Variants in MPDZ observed in about 807,000 individuals in gnomAD.
MPDZ encodes multiple PDZ domain protein.
MPDZ carries 234 observed loss-of-function variants against 239.1 expected under a neutral mutation model. The observed-to-expected ratio is 0.98, with a 90% CI of 0.88 to 1.09. The LOEUF is 1.09. Ranked by LOEUF, MPDZ falls within the 50% of genes least tolerant of loss-of-function variation. The pLI is 0.00. For missense variants in MPDZ, 3,175 were observed against 2,510.0 expected (o/e 1.26, Z -5.66); for synonymous variants, 1,048 against 881.3 (o/e 1.19, Z -3.35).
intron 1 of MPDZ, among the ~76,000 whole-genome samples, chr9:13,252,614 T>TA (rs1361786846): frequency 6.0e-5 from 9 of 149,994 alleles, no homozygotes; most frequent in African/African-American, 2.2e-4. Flanking sequence ...CTCATGCCTG[T>TA]AATCCCAGCA....
chr9:13,165,785 G>C (rs1171566733), intron 22 of MPDZ, among the ~76,000 whole-genome samples: 1 of 152,114 alleles, frequency 6.6e-6, no homozygotes, highest in African/African-American at 2.4e-5. Context: ...AGAAATATAA[G>C]AGCTCCTGGC....
At chr9:13,109,878 C>T (rs143212609) in intron 45 of MPDZ, 74 bp downstream of exon 45, 4 of 1,157,944 alleles carry the variant, frequency 3.5e-6, no homozygotes, top group Middle Eastern at 1.9e-4. Flanking sequence ...AAACATGGGA[C>T]AGAGAACGCA....
intron 10 of MPDZ, among the ~76,000 whole-genome samples, chr9:13,209,039 G>A (rs1405254000): frequency 6.6e-6 from 1 of 152,144 alleles, no homozygotes; most frequent in Admixed American, 6.6e-5. Flanking sequence ...CGCATGGCCA[G>A]ATCAAAGGCA....
chr9:13,263,338 C>A lies in MPDZ; in HGVS notation c.-57-12966G>T, dbSNP rs150016339. On this transcript the variant is annotated intron_variant, in intron 1 of 46. Coordinates refer to ENST00000319217, the MANE Select transcript of MPDZ (RefSeq NM_001378778.1). Reference sequence around the variant, plus strand: ...TGTTAACAATATCTAGTTTTAGAGGCTAGGACTAGAGATGATTAGTGCAAT... The same window carrying A: ...TGTTAACAATATCTAGTTTTAGAGGATAGGACTAGAGATGATTAGTGCAAT... Among the ~76,000 whole-genome samples, 198 of 148,422 alleles carry A rather than the reference C, an allele frequency of 1.3e-3. 1 individual carries two copies. The highest frequency in any genetic ancestry group is 4.7e-3 in the African/African-American group (188 of 40,184).
At chr9:13,204,980 C>A (rs1014430976) in intron 12 of MPDZ, 56 bp downstream of exon 12, 2 of 1,174,250 alleles carry the variant, frequency 1.7e-6, no homozygotes, top group South Asian at 2.0e-5. Context: ...TTGTAAAAAT[C>A]ATTTCTAAAA....
Position 13,105,828 on chromosome 9 carries a change from T to C in MPDZ, c.*1137A>G, listed in dbSNP as rs1156260467. Reference sequence around the variant, plus strand: ...TATAGATATTTAAAGTGACTTTATATATTCTAATGTAGGAGTTTCACGCTC... The same window carrying C: ...TATAGATATTTAAAGTGACTTTATACATTCTAATGTAGGAGTTTCACGCTC... On this transcript the variant is annotated 3_prime_UTR_variant, in exon 47 of 47. Coordinates refer to ENST00000319217, the MANE Select transcript of MPDZ (RefSeq NM_001378778.1). 1 of 152,238 alleles carries C rather than the reference T, an allele frequency of 6.6e-6. No individual in the cohort carries two copies. Among genetic ancestry groups the C allele is most frequent in the Non-Finnish European group, 1.5e-5 (1 of 68,030 alleles). 9.4% of individuals were successfully genotyped at this position (152,238 alleles called of 1,614,324 possible).
At chr9:13,269,578 A>C (rs1467319983) in intron 1 of MPDZ, among the ~76,000 whole-genome samples, 2 of 152,194 alleles carry the variant, frequency 1.3e-5, no homozygotes, top group Non-Finnish European at 2.9e-5. Context: ...CTAAACCAAA[A>C]CAAATGTACC....
Position 13,168,441 on chromosome 9 carries a change from T to C in MPDZ, c.3179A>G (p.Glu1060Gly). The C allele has an allele frequency of 6.2e-7, 1 of 1,613,584 alleles. No homozygotes were observed. Among genetic ancestry groups the C allele is most frequent in the East Asian group, 2.2e-5 (1 of 44,850 alleles). ...GGCATTGGTTACACTGATGGTAGAC[T>C]CTTCATTAATGGACAAGATGCAGTC... is the stretch of plus-strand genomic sequence containing the variant. ...IGDCILSINE[E>G]STISVTNAQA... Residue 1060 changes from glutamate to glycine, a missense_variant, in exon 22 of 47, where the codon GAG becomes GGG. Physicochemically the swap from Glu to Gly is moderately conservative, Grantham distance 98. Coordinates refer to ENST00000319217, the MANE Select transcript of MPDZ (RefSeq NM_001378778.1).
rs1564074602 is a variant in MPDZ at position 13,224,510 on chromosome 9, G to C, written c.257C>G (p.Pro86Arg). ...TAAAAACGATTCATTTTGCAGAGTAGGAATCACAGCTGGGCTGAGATGAGG... is the reference window on the plus strand; with the variant it reads ...TAAAAACGATTCATTTTGCAGAGTACGAATCACAGCTGGGCTGAGATGAGG... ...HVPHLSPAVI[P>R]TLQNESFLLS... Residue 86 changes from proline to arginine, a missense_variant, in exon 4 of 47, where the codon CCT becomes CGT. Physicochemically the swap from Pro to Arg is moderately radical, Grantham distance 103. Transcript: ENST00000319217. The C allele has an allele frequency of 6.2e-7, 1 of 1,612,802 alleles. No individual in the cohort carries two copies. Among genetic ancestry groups the C allele is most frequent in the Non-Finnish European group, 8.5e-7 (1 of 1,179,232 alleles).
chr9:13,169,507 C>T (rs1202368135), intron 21 of MPDZ, among the ~76,000 whole-genome samples: 2 of 152,070 alleles, frequency 1.3e-5, no homozygotes, highest in East Asian at 1.9e-4. Context: ...AATCCATTTA[C>T]CTTTTTCCAT....
chr9:13,154,448 T>C (rs993398986), intron 24 of MPDZ, among the ~76,000 whole-genome samples: 4 of 152,162 alleles, frequency 2.6e-5, no homozygotes, highest in Non-Finnish European at 5.9e-5. Context: ...GAACTGAGTC[T>C]CTGGGTTCCA....
At chr9:13,115,436 T>C in intron 39 of MPDZ, 102 bp from the exon 40 acceptor site, 1 of 953,036 alleles carries the variant, frequency 1.0e-6, no homozygotes, top group Non-Finnish European at 1.6e-6. Context: ...TTGAAAGGCA[T>C]CTTCCTTTTG....
At chr9:13,157,037 A>G (rs1309899311) in intron 24 of MPDZ, among the ~76,000 whole-genome samples, 1 of 114,406 alleles carries the variant, frequency 8.7e-6, no homozygotes, top group Non-Finnish European at 1.6e-5. Context: ...AACATAAAAT[A>G]GTGTTTTTTA....
intron 32 of MPDZ, among the ~76,000 whole-genome samples, chr9:13,129,632 C>G (rs1945653925): frequency 6.6e-6 from 1 of 152,042 alleles, no homozygotes; most frequent in African/African-American, 2.4e-5. Flanking sequence ...AAGAAGAGAT[C>G]TGAGATATTT....
At chr9:13,150,779 A>T (rs1337403120) in intron 24 of MPDZ, 91 bp from the exon 25 acceptor site, 1 of 808,968 alleles carries the variant, frequency 1.2e-6, no homozygotes, top group Non-Finnish European at 1.7e-6. Context: ...CTTATATATA[A>T]CACCAAAGGC....
rs766156632 is a variant in MPDZ at position 13,125,263 on chromosome 9, G to C, written c.4760C>G (p.Ser1587Cys). 6 of 1,613,078 alleles carry C rather than the reference G, an allele frequency of 3.7e-6. No homozygotes were observed. The highest frequency in any genetic ancestry group is 3.3e-5 in the Admixed American group (2 of 60,002). The change falls in exon 35 of 47, where the codon TCT becomes TGT. Residue 1587 changes from serine (S) to cysteine (C), a missense_variant. Transcript: ENST00000319217. Reference protein sequence around the residue: ...ASGEKKNSSQSLMVPQSGSPE... With the variant: ...ASGEKKNSSQCLMVPQSGSPE... ...GGAGCCAGACTGTGGGACCATCAGA[G>C]ACTGGGAGCTGTTCTTTTTTTCTCC...
At chr9:13,183,877 T>C (rs913012898) in intron 18 of MPDZ, among the ~76,000 whole-genome samples, 1 of 151,958 alleles carries the variant, frequency 6.6e-6, no homozygotes, top group Non-Finnish European at 1.5e-5. Context: ...GTTCCATAGT[T>C]AAGAAAAATA....
At chr9:13,151,141 A>AACACAC (rs113800698) in intron 24 of MPDZ, among the ~76,000 whole-genome samples, 1 of 150,490 alleles carries the variant, frequency 6.6e-6, no homozygotes, top group African/African-American at 2.4e-5. Flanking sequence ...ACCTACTAAA[A>AACACAC]ACACACACAC....
intron 27 of MPDZ, chr9:13,140,986 T>C (rs1947585012): frequency 6.6e-6 from 1 of 151,960 alleles, no homozygotes; most frequent in South Asian, 2.1e-4. Flanking sequence ...CAACACCAGC[T>C]TTCCCTTGCC....
Sources: gnomAD v4.1 joint callset for allele counts (sites outside exome capture counted in the v4.1 genomes callset) on GRCh38, gnomAD v4.1.1 for gene constraint, MANE v1.5 for transcripts, NCBI Gene and HGNC (gene_info 2026-07-23, HGNC 2026-07-21) for gene names.